CDH13: variants seen among roughly 807,000 people sequenced by gnomAD.
CDH13 encodes the protein cadherin 13.
CDH13 carries 24 observed loss-of-function variants against 63.8 expected under a neutral mutation model. The observed-to-expected ratio is 0.38, with a 90% CI of 0.27 to 0.53. CDH13 has a LOEUF of 0.53. Ranked by LOEUF, CDH13 falls within the 20% of genes least tolerant of loss-of-function variation. The pLI, the probability that CDH13 is intolerant of heterozygous loss-of-function variation, is 0.85. For synonymous variants in CDH13, 503 were observed against 355.3 expected (o/e 1.42, Z -4.67); for missense variants, 1,049 against 903.1 (o/e 1.16, Z -2.07).
intron 5 of CDH13, among the ~76,000 whole-genome samples, chr16:83,336,658 T>A (rs1249931312): frequency 6.6e-6 from 1 of 152,184 alleles, no homozygotes; most frequent in African/African-American, 2.4e-5. Flanking sequence ...AAGCTCTGTG[T>A]GTGTCTGTGT....
At chr16:82,944,454 G>T (rs1904470779) in intron 2 of CDH13, among the ~76,000 whole-genome samples, 1 of 152,172 alleles carries the variant, frequency 6.6e-6, no homozygotes, top group Non-Finnish European at 1.5e-5. Context: ...TAAGGGAGCT[G>T]CTTTTTCTAG....
intron 2 of CDH13, among the ~76,000 whole-genome samples, chr16:82,960,897 G>C (rs1263103283): frequency 6.6e-6 from 1 of 152,028 alleles, no homozygotes; most frequent in East Asian, 1.9e-4. Context: ...ATCTTTTTTA[G>C]TACACGTTTC....
At chr16:83,713,822 G>A (rs537138038) in intron 10 of CDH13, among the ~76,000 whole-genome samples, 27 of 152,306 alleles carry the variant, frequency 1.8e-4, no homozygotes, top group African/African-American at 6.0e-4. Flanking sequence ...TGCATGTGCC[G>A]TCAGGGTGGG....
chr16:83,477,984 A>G (rs929270229), intron 6 of CDH13, among the ~76,000 whole-genome samples: 25 of 152,084 alleles, frequency 1.6e-4, no homozygotes, highest in Non-Finnish European at 3.1e-4. Context: ...GATCGAGACC[A>G]TCCTGACTAA....
intron 2 of CDH13, among the ~76,000 whole-genome samples, chr16:83,007,792 C>G (rs908886502): frequency 2.0e-5 from 3 of 148,830 alleles, no homozygotes; most frequent in African/African-American, 7.5e-5. Flanking sequence ...CCACTGCACT[C>G]TAGTCTGGGC....
intron 10 of CDH13, among the ~76,000 whole-genome samples, chr16:83,726,590 C>G (rs369684591): frequency 4.5e-4 from 68 of 152,280 alleles, no homozygotes; most frequent in African/African-American, 1.5e-3. Flanking sequence ...AATCCCGGCC[C>G]TTTGGGAGGC....
chr16:83,781,705 GC>G (rs1915535647), intron 12 of CDH13, among the ~76,000 whole-genome samples: 1 of 151,430 alleles, frequency 6.6e-6, no homozygotes, highest in Non-Finnish European at 1.5e-5. Flanking sequence ...TATGGCTATA[GC>G]CTATTTGAAT....
intron 8 of CDH13, among the ~76,000 whole-genome samples, chr16:83,651,341 T>C (rs1285654489): frequency 6.6e-6 from 1 of 152,210 alleles, no homozygotes; most frequent in Non-Finnish European, 1.5e-5. Flanking sequence ...TTTATCCATT[T>C]TCATTATAAC....
At chr16:82,673,240 T>A (rs1172716808) in intron 1 of CDH13, among the ~76,000 whole-genome samples, 4 of 152,100 alleles carry the variant, frequency 2.6e-5, no homozygotes, top group African/African-American at 9.7e-5. Flanking sequence ...TTCCCCTTCC[T>A]TTTGTTTCTC....
intron 1 of CDH13, among the ~76,000 whole-genome samples, chr16:82,696,588 C>T (rs1324794264): frequency 6.6e-6 from 1 of 152,138 alleles, no homozygotes; most frequent in East Asian, 1.9e-4. Flanking sequence ...GCCCATAGCT[C>T]ATGTTGCAAC....
chr16:82,838,679 G>A (rs758830804), intron 1 of CDH13, among the ~76,000 whole-genome samples: 1 of 152,152 alleles, frequency 6.6e-6, no homozygotes, highest in Non-Finnish European at 1.5e-5. Flanking sequence ...TGATGGTTTT[G>A]TTTATACTCA....
rs947312749 is a variant in CDH13 at position 83,041,397 on chromosome 16, C to CA, written c.366+9189dup. Among the ~76,000 whole-genome samples, 334 of 144,400 alleles carry CA rather than the reference C, an allele frequency of 2.3e-3. 1 individual carries two copies. Among genetic ancestry groups the CA allele is most frequent in the African/African-American group, 5.2e-3 (204 of 39,390 alleles). 94.7% of individuals were successfully genotyped at this position (144,400 alleles called of 152,430 possible). On this transcript the variant is annotated intron_variant, in intron 3 of 13. Transcript: ENST00000567109. Reference sequence around the variant, plus strand: ...TCAAGAATCAGGATGGAAATGGTTCCAAAAAAAAAATAAAAGGAGCAATCA... The same window carrying CA: ...TCAAGAATCAGGATGGAAATGGTTCCAAAAAAAAAAATAAAAGGAGCAATCA...
chr16:83,702,683 T>C (rs1598516095), intron 10 of CDH13, among the ~76,000 whole-genome samples: 1 of 152,214 alleles, frequency 6.6e-6, no homozygotes, highest in African/African-American at 2.4e-5. Context: ...TCGGTGGCCA[T>C]GTGCCTTGGG....
chr16:83,690,618 C>G (rs955486837), intron 10 of CDH13, among the ~76,000 whole-genome samples: 1 of 152,176 alleles, frequency 6.6e-6, no homozygotes, highest in African/African-American at 2.4e-5. Flanking sequence ...GAGCAGAGGA[C>G]TGGAGTGTAG....
At chr16:82,854,599 C>G (rs569882232) in intron 1 of CDH13, among the ~76,000 whole-genome samples, 48 of 152,206 alleles carry the variant, frequency 3.2e-4, no homozygotes, top group Admixed American at 8.5e-4. Flanking sequence ...CACGTGTAAG[C>G]GAAGAGTGTG....
At chr16:83,781,210 C>G (rs1217172408) in intron 12 of CDH13, among the ~76,000 whole-genome samples, 4 of 152,208 alleles carry the variant, frequency 2.6e-5, no homozygotes, top group Non-Finnish European at 5.9e-5. Context: ...CTTATTAAGA[C>G]TGAAACACCA....
At chr16:83,160,440 A>G (rs886106100) in intron 4 of CDH13, among the ~76,000 whole-genome samples, 9 of 152,180 alleles carry the variant, frequency 5.9e-5, no homozygotes, top group Admixed American at 3.3e-4. Flanking sequence ...ACCTATGGCA[A>G]TGGAGATGAA....
chr16:82,653,918 C>A (rs1347288965), intron 1 of CDH13, among the ~76,000 whole-genome samples: 1 of 152,090 alleles, frequency 6.6e-6, no homozygotes, highest in East Asian at 1.9e-4. Context: ...CCACAGAGAT[C>A]ATGAGATATA....
rs577393059 is a variant in CDH13, at chr16:82,737,002, A to C, written c.45+109865A>C. On this transcript the variant is annotated intron_variant, in intron 1 of 13. Coordinates refer to ENST00000567109, the MANE Select transcript of CDH13 (RefSeq NM_001257.5). ...TCTCTGCATTCCTTTTCCTCTTCCC[A>C]ACACCTAAGTGATTCTTAAAAATAT... Among the ~76,000 whole-genome samples, 8 of 152,210 alleles carry C rather than the reference A, an allele frequency of 5.3e-5. No homozygotes were observed. In the South Asian group the frequency reaches 1.7e-3, roughly 32 times the overall value.
Sources: allele counts gnomAD v4.1 joint callset (sites outside exome capture counted in the v4.1 genomes callset), GRCh38; gene constraint gnomAD v4.1.1; transcripts MANE v1.5; gene names NCBI Gene and HGNC (gene_info 2026-07-23, HGNC 2026-07-21).